UGT1A7: variants seen among roughly 807,000 people sequenced by gnomAD.
The protein encoded by UGT1A7 is UDP glucuronosyltransferase family 1 member A7.
UGT1A7 carries 33 observed loss-of-function variants against 45.6 expected under a neutral mutation model. The ratio of observed to expected loss-of-function variants is 0.72; its 90% confidence interval spans 0.55 to 0.97. The LOEUF (loss-of-function observed/expected upper bound fraction) is 0.97. UGT1A7 is among the 50% of genes least tolerant of loss of function. UGT1A7 has a pLI of 0.00. For missense variants in UGT1A7, 684 were observed against 666.2 expected, an observed-to-expected ratio of 1.03 and a Z score of -0.29; for synonymous variants, 274 against 250.6, an observed-to-expected ratio of 1.09 and a Z score of -0.88.
chr2:233,687,260 C>T (rs916820403), intron 1 of UGT1A7, among the ~76,000 whole-genome samples: 2 of 152,106 alleles, frequency 1.3e-5, no homozygotes, highest in Non-Finnish European at 2.9e-5. Context: ...TGATCTTAAC[C>T]ATGCATTCAG....
At chr2:233,735,248 G>T (rs1391437917) in intron 1 of UGT1A7, among the ~76,000 whole-genome samples, 3 of 152,102 alleles carry the variant, frequency 2.0e-5, no homozygotes, top group African/African-American at 7.2e-5. Flanking sequence ...TTGTTGAATT[G>T]CTCCCTTTAC....
intron 1 of UGT1A7, among the ~76,000 whole-genome samples, chr2:233,724,562 G>T (rs1169483427): frequency 1.1e-4 from 14 of 128,924 alleles, no homozygotes; most frequent in Non-Finnish European, 2.0e-4. Flanking sequence ...TCCCAGATGG[G>T]GCGGCGGGGC....
intron 1 of UGT1A7, chr2:233,754,408 C>A (rs1318751129): frequency 2.9e-6 from 1 of 340,794 alleles, no homozygotes; most frequent in South Asian, 2.4e-5. Flanking sequence ...GCAGTCCCAA[C>A]AATAAAGACA....
chr2:233,682,579 G>C lies in UGT1A7; in HGVS notation c.642G>C (p.Leu214Phe). The change falls in exon 1 of 5, where the codon TTG becomes TTC. Residue 214 changes from leucine (L) to phenylalanine (F), a missense_variant. Transcript: ENST00000373426. ...GAGTATGGAACCACATCATGCACTT[G>C]GAGGAACATTTATTTTGCCCCTATT... ...KERVWNHIMH[L>F]EEHLFCPYFF... is the part of the protein sequence containing the mutation. 1 of 1,613,874 alleles carries C rather than the reference G, an allele frequency of 6.2e-7. No individual in the cohort carries two copies. Among genetic ancestry groups the C allele is most frequent in the Non-Finnish European group, 8.5e-7 (1 of 1,179,826 alleles).
chr2:233,718,990 A>T (rs772339197), intron 1 of UGT1A7: 1 of 1,614,266 alleles, frequency 6.2e-7, no homozygotes, highest in Non-Finnish European at 8.5e-7. Flanking sequence ...AGAGGCCACC[A>T]GGCGGTGGTC....
chr2:233,743,502 T>C (rs1233244952), intron 1 of UGT1A7: 12 of 1,366,994 alleles, frequency 8.8e-6, no homozygotes, highest in African/African-American at 1.5e-5. Context: ...AGAAAAGGGG[T>C]GCAGACGCTC....
At chr2:233,711,521 C>T (rs2076185051) in intron 1 of UGT1A7, among the ~76,000 whole-genome samples, 1 of 152,188 alleles carries the variant, frequency 6.6e-6, no homozygotes, top group East Asian at 1.9e-4. Context: ...TCTGTGTCCT[C>T]ACAACTCCCC....
chr2:233,715,620 A>G (rs1253774011), intron 1 of UGT1A7, among the ~76,000 whole-genome samples: 1 of 151,982 alleles, frequency 6.6e-6, no homozygotes, highest in Non-Finnish European at 1.5e-5. Flanking sequence ...AAAAATTAAA[A>G]AATTATCCAG....
intron 1 of UGT1A7, among the ~76,000 whole-genome samples, chr2:233,714,935 G>A (rs1484884926): frequency 2.0e-5 from 3 of 152,106 alleles, no homozygotes; most frequent in Non-Finnish European, 4.4e-5. Flanking sequence ...GGAGTGCAGT[G>A]GTGGGATCTT....
At chr2:233,741,248 A>G (rs997599929) in intron 1 of UGT1A7, among the ~76,000 whole-genome samples, 1 of 152,014 alleles carries the variant, frequency 6.6e-6, no homozygotes, top group East Asian at 1.9e-4. Context: ...TGACACTGGT[A>G]TGCCACTCTT....
At chr2:233,693,720 G>A (rs1269709874) in intron 1 of UGT1A7, 1 of 1,614,108 alleles carries the variant, frequency 6.2e-7, no homozygotes, top group Non-Finnish European at 8.5e-7. Flanking sequence ...GTCCTCAAGA[G>A]AGATGTGGAT....
rs2075952118 is a variant in UGT1A7 at position 233,707,254 on chromosome 2, T to C, written c.855+24462T>C. Among the ~76,000 whole-genome samples, 5 of 152,178 alleles carry C rather than the reference T, an allele frequency of 3.3e-5. No individual in the cohort carries two copies. In the South Asian group the frequency reaches 1.0e-3, roughly 32 times the overall value. On this transcript the variant is annotated intron_variant, in intron 1 of 4. Coordinates refer to ENST00000373426, the MANE Select transcript of UGT1A7 (RefSeq NM_019077.3). The stretch of plus-strand genomic sequence containing the variant: ...ATGATTATTTCTCTTGTGTTTTTCT[T>C]CATCAGCATTTATTTTAAGTTCCAG...
chr2:233,724,868 A>G (rs2077326102), intron 1 of UGT1A7, among the ~76,000 whole-genome samples: 1 of 128,220 alleles, frequency 7.8e-6, no homozygotes, highest in African/African-American at 3.4e-5. Flanking sequence ...TGTAGGTTGT[A>G]GTGAGCGGAG....
In UGT1A7 at chr2:233,715,887, A is replaced by G. The variant is rs537598315; in HGVS notation, c.855+33095A>G. Among the ~76,000 whole-genome samples the G allele has an allele frequency of 2.0e-5, 3 of 152,316 alleles. No homozygotes were observed. In the East Asian group the frequency reaches 5.8e-4, roughly 29 times the overall value. ...GTAGCTTGTGCCTGTGGCCCCAGCT[A>G]CTTGGGAGGCTCAGGTGGGAGGATC... On this transcript the variant is annotated intron_variant, in intron 1 of 4. Coordinates refer to ENST00000373426, the MANE Select transcript of UGT1A7 (RefSeq NM_019077.3).
chr2:233,684,677 T>C (rs370065450), intron 1 of UGT1A7, among the ~76,000 whole-genome samples: 1 of 152,114 alleles, frequency 6.6e-6, no homozygotes, highest in Non-Finnish European at 1.5e-5. Flanking sequence ...ATACATATGA[T>C]AGGATTTATA....
At chr2:233,766,487 G>A (rs1575820615) in intron 1 of UGT1A7, among the ~76,000 whole-genome samples, 1 of 152,190 alleles carries the variant, frequency 6.6e-6, no homozygotes, top group Non-Finnish European at 1.5e-5. Context: ...TGATGGGGGC[G>A]TGGCAGGCCA....
chr2:233,757,582 G>C (rs1357461838), intron 1 of UGT1A7, among the ~76,000 whole-genome samples: 2 of 95,184 alleles, frequency 2.1e-5, no homozygotes, highest in Non-Finnish European at 4.3e-5. Context: ...TATAGCTATA[G>C]TCTAATAGCA....
intron 1 of UGT1A7, among the ~76,000 whole-genome samples, chr2:233,733,971 G>T (rs927832512): frequency 6.6e-6 from 1 of 152,028 alleles, no homozygotes; most frequent in East Asian, 1.9e-4. Flanking sequence ...TAGGGGGAGC[G>T]GGGAGGGATA....
At chr2:233,716,222 T>A (rs1452528556) in intron 1 of UGT1A7, among the ~76,000 whole-genome samples, 4 of 152,232 alleles carry the variant, frequency 2.6e-5, no homozygotes, top group African/African-American at 7.2e-5. Context: ...CAAGAGCCCT[T>A]GTGATTACAT....
Sources: allele counts gnomAD v4.1 joint callset (sites outside exome capture counted in the v4.1 genomes callset), GRCh38; gene constraint gnomAD v4.1.1; transcripts MANE v1.5; gene names NCBI Gene and HGNC (gene_info 2026-07-23, HGNC 2026-07-21).